The following RAD51B variants were observed in gnomAD, a reference collection of about 807,000 sequenced individuals.
The protein encoded by RAD51B is RAD51 paralog B.
Under a neutral mutation model 42.2 loss-of-function variants are expected in RAD51B, and 38 were observed. That is an observed-to-expected ratio of 0.90 (90% CI 0.70 to 1.18). The LOEUF (loss-of-function observed/expected upper bound fraction) is 1.18, where lower values mean the gene tolerates loss of function less well. Ranked by LOEUF, RAD51B falls within the 50% of genes most tolerant of loss-of-function variation. The pLI, the probability that RAD51B is intolerant of heterozygous loss-of-function variation, is 0.00. For synonymous variants in RAD51B, 154 were observed against 145.2 expected, an observed-to-expected ratio of 1.06 and a Z score of -0.43; for missense variants, 373 against 400.7, an observed-to-expected ratio of 0.93 and a Z score of 0.59.
intron 10 of RAD51B, among the ~76,000 whole-genome samples, chr14:68,590,457 C>A (rs985471906): frequency 6.6e-6 from 1 of 152,228 alleles, no homozygotes; most frequent in Non-Finnish European, 1.5e-5. Context: ...TCCCCCGCAG[C>A]GTTGGGGGTT....
chr14:68,213,634 CAACT>C (rs1393956568), intron 7 of RAD51B, among the ~76,000 whole-genome samples: 2 of 152,130 alleles, frequency 1.3e-5, no homozygotes, highest in East Asian at 3.8e-4. Context: ...TAAAAAAGAA[CAACT>C]AATAGGAGGG....
intron 7 of RAD51B, among the ~76,000 whole-genome samples, chr14:68,185,614 C>T (rs1012694772): frequency 1.3e-5 from 2 of 151,644 alleles, no homozygotes; most frequent in African/African-American, 4.8e-5. Flanking sequence ...CTATGGTCCC[C>T]AACCTTTTTT....
chr14:68,207,236 A>G (rs1210026784), intron 7 of RAD51B, among the ~76,000 whole-genome samples: 1 of 152,214 alleles, frequency 6.6e-6, no homozygotes, highest in East Asian at 1.9e-4. Flanking sequence ...ATACATATAT[A>G]TATAAATACA....
intron 8 of RAD51B, among the ~76,000 whole-genome samples, chr14:68,390,682 G>A (rs1594768557): frequency 6.6e-6 from 1 of 152,342 alleles, no homozygotes; most frequent in South Asian, 2.1e-4. Flanking sequence ...ATATTTAAGA[G>A]TTGGAAGGGA....
intron 7 of RAD51B, among the ~76,000 whole-genome samples, chr14:68,004,867 T>C (rs1461455105): frequency 6.6e-6 from 1 of 151,482 alleles, no homozygotes; most frequent in African/African-American, 2.4e-5. Context: ...ACAGAATGCT[T>C]TTTTTTTGGT....
intron 10 of RAD51B, among the ~76,000 whole-genome samples, chr14:68,632,211 G>A (rs928113921): frequency 6.6e-6 from 1 of 152,078 alleles, no homozygotes; most frequent in Non-Finnish European, 1.5e-5. Context: ...CCCATCTAGT[G>A]TCTGGAGCTT....
chr14:68,131,438 G>A (rs184410035), intron 7 of RAD51B, among the ~76,000 whole-genome samples: 40 of 152,270 alleles, frequency 2.6e-4, no homozygotes, highest in East Asian at 2.1e-3. Context: ...GCTCACGCCC[G>A]TAATCCCTGC....
intron 10 of RAD51B, among the ~76,000 whole-genome samples, chr14:68,547,202 C>T (rs567995675): frequency 1.3e-5 from 2 of 152,334 alleles, no homozygotes; most frequent in Admixed American, 6.5e-5. Context: ...GGCTCTAAAT[C>T]TCTCAGAGGA....
At chr14:68,012,058 C>T (rs958835345) in intron 7 of RAD51B, among the ~76,000 whole-genome samples, 1 of 152,096 alleles carries the variant, frequency 6.6e-6, no homozygotes, top group Admixed American at 6.6e-5. Flanking sequence ...TTCTTTCAGA[C>T]AGTATCCTAG....
intron 7 of RAD51B, among the ~76,000 whole-genome samples, chr14:68,142,482 A>T (rs997080726): frequency 9.8e-5 from 15 of 152,320 alleles, no homozygotes; most frequent in Middle Eastern, 3.4e-3. Flanking sequence ...CTTTCAAATG[A>T]AAATATTATC....
At chr14:68,367,360 A>T (rs933177752) in intron 8 of RAD51B, among the ~76,000 whole-genome samples, 1 of 152,238 alleles carries the variant, frequency 6.6e-6, no homozygotes, top group African/African-American at 2.4e-5. Context: ...CTTGAGACAG[A>T]CTTACGTATT....
chr14:68,608,925 G>A (rs933036559), intron 10 of RAD51B, among the ~76,000 whole-genome samples: 4 of 151,998 alleles, frequency 2.6e-5, no homozygotes, highest in Non-Finnish European at 5.9e-5. Context: ...CCCCTCCTCC[G>A]GGGCCCCCAC....
At chr14:68,299,434 T>G (rs1200189220) in intron 8 of RAD51B, among the ~76,000 whole-genome samples, 4 of 152,130 alleles carry the variant, frequency 2.6e-5, no homozygotes, top group Non-Finnish European at 4.4e-5. Flanking sequence ...CAGTACAGTA[T>G]AACAACTATC....
Position 68,136,661 on chromosome 14 carries a change from T to C in RAD51B, c.757-155223T>C, listed in dbSNP as rs1269090294. ...TAACAAACACATACTGCTTATTCCA[T>C]GCTGGTGTGTTTTGTGTTCTTTGCA... On this transcript the variant is annotated intron_variant, in intron 7 of 10. Transcript: ENST00000471583. Among the ~76,000 whole-genome samples, 7 of 63,710 alleles carry C rather than the reference T, an allele frequency of 1.1e-4. 2 individuals carry two copies. The highest frequency in any genetic ancestry group is 2.3e-4 in the African/African-American group (7 of 29,836). The allele number at this position is 63,710 out of a possible 152,430, so 41.8% of individuals were successfully genotyped here.
At chr14:68,667,813 A>C (rs11623966) in intron 11 of RAD51B, among the ~76,000 whole-genome samples, 32,004 of 152,112 alleles carry the variant, frequency 0.21, 3,556 homozygotes, top group African/African-American at 0.24. Context: ...CTGTTTGAGG[A>C]ATTCTCCTCC....
intron 9 of RAD51B, among the ~76,000 whole-genome samples, chr14:68,411,852 A>G (rs1278209670): frequency 1.3e-5 from 2 of 152,182 alleles, no homozygotes; most frequent in East Asian, 1.9e-4. Flanking sequence ...GTATTTGTTG[A>G]GGACTAATTT....
At chr14:68,471,646 C>A (rs1473864334) in intron 10 of RAD51B, among the ~76,000 whole-genome samples, 1 of 148,078 alleles carries the variant, frequency 6.8e-6, no homozygotes, top group African/African-American at 2.5e-5. Flanking sequence ...GGAGCCGGTC[C>A]ATGCTATTGT....
chr14:68,457,541 C>A (rs2085728429), intron 9 of RAD51B, among the ~76,000 whole-genome samples: 2 of 151,988 alleles, frequency 1.3e-5, no homozygotes, highest in South Asian at 4.1e-4. Context: ...TTGCATACTA[C>A]CATATATTTG....
chr14:68,019,446 G>T (rs535630201), intron 7 of RAD51B, among the ~76,000 whole-genome samples: 11 of 152,118 alleles, frequency 7.2e-5, no homozygotes, highest in African/African-American at 2.2e-4. Context: ...GACATGCTAG[G>T]AAGGAAAATG....
Sources: gnomAD v4.1 joint callset for allele counts (sites outside exome capture counted in the v4.1 genomes callset) on GRCh38, gnomAD v4.1.1 for gene constraint, MANE v1.5 for transcripts, NCBI Gene and HGNC (gene_info 2026-07-23, HGNC 2026-07-21) for gene names.